RBFOX1: variants seen among roughly 807,000 people sequenced by gnomAD.
RBFOX1 encodes the protein RNA binding fox-1 homolog 1, also known as RNA binding protein fox-1 homolog 1.
RBFOX1 carries 8 observed loss-of-function variants against 57.7 expected under a neutral mutation model. That is an observed-to-expected ratio of 0.14 (90% CI 0.08 to 0.25). The LOEUF is 0.25. Ranked by LOEUF, RBFOX1 falls within the 10% of genes least tolerant of loss-of-function variation. The pLI is 1.00. For synonymous variants in RBFOX1, 326 were observed against 222.4 expected (o/e 1.47, Z -4.15); for missense variants, 611 against 548.5 (o/e 1.11, Z -1.14).
intron 4 of RBFOX1, among the ~76,000 whole-genome samples, chr16:7,368,542 G>T (rs1011669348): frequency 6.6e-6 from 1 of 151,970 alleles, no homozygotes; most frequent in South Asian, 2.1e-4. Context: ...ACTTTGGGAG[G>T]CCGAGGTGGG....
chr16:6,999,107 G>A (rs879373028), intron 3 of RBFOX1, among the ~76,000 whole-genome samples: 1 of 150,228 alleles, frequency 6.7e-6, no homozygotes, highest in Non-Finnish European at 1.5e-5. Context: ...GACTTCAGGT[G>A]ATCCGCCCGC....
intron 3 of RBFOX1, among the ~76,000 whole-genome samples, chr16:5,771,167 G>A (rs2053964237): frequency 6.6e-6 from 1 of 152,222 alleles, no homozygotes; most frequent in South Asian, 2.1e-4. Flanking sequence ...GAAAATGGCT[G>A]CTCCCTAGAC....
At chr16:5,902,757 ATTCTAT>A (rs1326243349) in intron 4 of RBFOX1, among the ~76,000 whole-genome samples, 1 of 151,986 alleles carries the variant, frequency 6.6e-6, no homozygotes, top group African/African-American at 2.4e-5. Context: ...TCAATCTCTT[ATTCTAT>A]CCACCCTCCT....
At chr16:7,705,492 A>C (rs1005329900) in intron 14 of RBFOX1, among the ~76,000 whole-genome samples, 9 of 152,196 alleles carry the variant, frequency 5.9e-5, no homozygotes, top group African/African-American at 2.2e-4. Flanking sequence ...GCAACAGAGC[A>C]AGACCAACTC....
chr16:6,798,251 G>A (rs1354814460), intron 3 of RBFOX1, among the ~76,000 whole-genome samples: 1 of 152,140 alleles, frequency 6.6e-6, no homozygotes, highest in Non-Finnish European at 1.5e-5. Flanking sequence ...CCAGAGAAGA[G>A]TTCCTGGATC....
intron 1 of RBFOX1, among the ~76,000 whole-genome samples, chr16:6,083,757 G>C (rs1567414820): frequency 6.6e-6 from 1 of 152,084 alleles, no homozygotes; most frequent in Non-Finnish European, 1.5e-5. Context: ...GATTATAAGT[G>C]TGAGCCACCA....
chr16:7,166,255 C>A (rs778399724), intron 4 of RBFOX1, among the ~76,000 whole-genome samples: 2 of 142,574 alleles, frequency 1.4e-5, no homozygotes, highest in South Asian at 2.2e-4. Flanking sequence ...CTCAAGTGAT[C>A]CACCCTTGTC....
chr16:7,057,901 C>G (rs919279881), intron 4 of RBFOX1, among the ~76,000 whole-genome samples: 2 of 148,848 alleles, frequency 1.3e-5, no homozygotes, highest in African/African-American at 4.9e-5. Context: ...CCAGCTACTC[C>G]GGAGGCTGAG....
At chr16:6,225,357 C>T (rs1161762636) in intron 1 of RBFOX1, among the ~76,000 whole-genome samples, 1 of 152,150 alleles carries the variant, frequency 6.6e-6, no homozygotes, top group African/African-American at 2.4e-5. Context: ...CCCACATCCT[C>T]CCGGTTTGCC....
At position 7,117,603 on chromosome 16, in the gene RBFOX1, C is replaced by G. The variant is rs535036587; in HGVS notation, c.27+65505C>G. ...GAAAAATGGGAATAATTAATTAATA[C>G]TGAGCTCATAGAGCTTTTGGAAGAA... On this transcript the variant is annotated intron_variant, in intron 4 of 15. Transcript: ENST00000550418. Among the ~76,000 whole-genome samples, 19 of 152,310 alleles carry G rather than the reference C, an allele frequency of 1.2e-4. No individual in the cohort carries two copies. The East Asian group carries it at 3.3e-3, about 26-fold the overall frequency.
intron 2 of RBFOX1, among the ~76,000 whole-genome samples, chr16:6,445,094 A>T (rs2094458237): frequency 2.0e-5 from 3 of 152,104 alleles, no homozygotes; most frequent in African/African-American, 4.8e-5. Flanking sequence ...GCCCAGGCAG[A>T]AGGAGAGTAA....
intron 3 of RBFOX1, among the ~76,000 whole-genome samples, chr16:5,713,175 C>G (rs980946999): frequency 2.0e-5 from 3 of 152,188 alleles, no homozygotes; most frequent in African/African-American, 7.2e-5. Flanking sequence ...TGTAATCATA[C>G]TGTCTTTTTA....
At chr16:6,833,831 A>C (rs887252462) in intron 3 of RBFOX1, among the ~76,000 whole-genome samples, 5 of 152,150 alleles carry the variant, frequency 3.3e-5, no homozygotes, top group Non-Finnish European at 7.4e-5. Flanking sequence ...AGATAGGAAG[A>C]GAGATGGAAA....
chr16:5,624,583 A>G (rs905649610), intron 3 of RBFOX1, among the ~76,000 whole-genome samples: 3 of 152,214 alleles, frequency 2.0e-5, no homozygotes, highest in Non-Finnish European at 2.9e-5. Context: ...GCACAGGTTC[A>G]TGTTCCTCAT....
chr16:5,438,203 G>C (rs550437965), intron 1 of RBFOX1, among the ~76,000 whole-genome samples: 1 of 152,312 alleles, frequency 6.6e-6, no homozygotes, highest in East Asian at 1.9e-4. Context: ...ACTAGAGGAA[G>C]GCTCACTTAT....
intron 1 of RBFOX1, among the ~76,000 whole-genome samples, chr16:6,032,600 C>G (rs910847137): frequency 3.3e-5 from 5 of 152,038 alleles, no homozygotes; most frequent in African/African-American, 1.2e-4. Flanking sequence ...GTGTCTGGAA[C>G]AAATGCTTGT....
At chr16:7,465,505 A>G (rs2060355196) in intron 4 of RBFOX1, among the ~76,000 whole-genome samples, 1 of 152,212 alleles carries the variant, frequency 6.6e-6, no homozygotes, top group East Asian at 1.9e-4. Flanking sequence ...CCTAGCACAT[A>G]TTCTGTCCCC....
intron 2 of RBFOX1, among the ~76,000 whole-genome samples, chr16:5,495,042 C>T (rs2042957944): frequency 6.6e-6 from 1 of 152,148 alleles, no homozygotes; most frequent in East Asian, 1.9e-4. Context: ...AGACATACCT[C>T]AGACTGGGTA....
At position 7,052,087 on chromosome 16, in the gene RBFOX1, G is replaced by C. The variant is rs1460472091; in HGVS notation, c.16G>C (p.Glu6Gln). Reference sequence around the variant, plus strand: ...AAGACAACAGATGAATTGTGAAAGAGAGCAGCTAAGGGTAGGTGCACCTGC... The same window carrying C: ...AAGACAACAGATGAATTGTGAAAGACAGCAGCTAAGGGTAGGTGCACCTGC... MNCER[E>Q]QLRGNQEAAA... Residue 6 changes from glutamate to glutamine, a missense_variant, in exon 4 of 16, where the codon GAG (glutamate) becomes CAG (glutamine). By Grantham distance (29) the Glu-to-Gln change is conservative (BLOSUM62 2). Coordinates refer to ENST00000550418, the MANE Select transcript of RBFOX1 (RefSeq NM_018723.4). The C allele has an allele frequency of 3.4e-5, 55 of 1,611,184 alleles. No individual in the cohort carries two copies. Among genetic ancestry groups the C allele is most frequent in the Non-Finnish European group, 4.6e-5 (54 of 1,179,226 alleles).
Sources: gnomAD v4.1 joint callset for allele counts (sites outside exome capture counted in the v4.1 genomes callset) on GRCh38, gnomAD v4.1.1 for gene constraint, MANE v1.5 for transcripts, NCBI Gene and HGNC (gene_info 2026-07-23, HGNC 2026-07-21) for gene names.